Variants in ZFHX3 observed in about 807,000 individuals in gnomAD.
The protein encoded by ZFHX3 is zinc finger homeobox 3.
ZFHX3 carries 42 observed loss-of-function variants against 279.1 expected under a neutral mutation model. The observed-to-expected ratio is 0.15, with a 90% confidence interval of 0.12 to 0.19. The LOEUF (loss-of-function observed/expected upper bound fraction) is 0.19, where lower values mean the gene tolerates loss of function less well. ZFHX3 is among the 10% of genes least tolerant of loss of function. The probability of loss-of-function intolerance (pLI) is 1.00; values close to 1 mark genes in which losing one functional copy is unlikely to be tolerated. For missense variants in ZFHX3, 4,981 were observed against 4,754.0 expected (o/e 1.05, Z -1.40); for synonymous variants, 2,293 against 1,957.8 (o/e 1.17, Z -4.52).
chr16:73,606,180 TAAAAAAAAAAAAAAAAAAAAAAA>T lies in ZFHX3; in HGVS notation c.-1547+73977_-1547+73999del, dbSNP rs35080897. ...CTGGGGGATTGAGCTAGGCTCCATC[TAAAAAAAAAAAAAAAAAAAAAAA>T]AAAAAAAAAAAAAATCCATGCTAGG... On this transcript the variant is annotated intron_variant, in intron 2 of 17. Coordinates refer to the ZFHX3 transcript ENST00000641206. 3.7e-4 allele frequency among the ~76,000 whole-genome samples: 13 copies of T among 35,196 alleles called. 1 individual carries two copies. Among genetic ancestry groups the T allele is most frequent in the African/African-American group, 1.8e-3 (12 of 6,714 alleles). The allele number at this position is 35,196 out of a possible 152,430, so 23.1% of individuals were successfully genotyped here.
chr16:73,780,974 T>C (rs1959450389), intron 1 of ZFHX3, among the ~76,000 whole-genome samples: 1 of 152,198 alleles, frequency 6.6e-6, no homozygotes. Flanking sequence ...TCAATAACAA[T>C]AATGAAGAAG....
chr16:73,260,697 T>G (rs1157110389), intron 4 of ZFHX3, among the ~76,000 whole-genome samples: 1 of 141,640 alleles, frequency 7.1e-6, no homozygotes, highest in South Asian at 2.3e-4. Context: ...TTTTTTTTTT[T>G]TTTTTTTTTT....
intron 8 of ZFHX3, 108 bp from the exon 9 acceptor site, chr16:72,798,822 T>A: frequency 6.9e-7 from 1 of 1,442,560 alleles, no homozygotes; most frequent in South Asian, 1.6e-5. Context: ...CAGAATCTGA[T>A]GATGAGGGAA....
At chr16:72,928,182 A>C (rs1445593281) in intron 3 of ZFHX3, among the ~76,000 whole-genome samples, 46 of 4,406 alleles carry the variant, frequency 0.01, 6 homozygotes, top group African/African-American at 0.05. Flanking sequence ...GGGAGGGGAG[A>C]GAGGGAGGGG....
chr16:73,379,654 C>G (rs2016786679), intron 3 of ZFHX3, among the ~76,000 whole-genome samples: 1 of 152,178 alleles, frequency 6.6e-6, no homozygotes, highest in African/African-American at 2.4e-5. Context: ...GAGGACCCTG[C>G]TGGTCTTTTC....
At chr16:73,042,925 G>C (rs1446544893) in intron 1 of ZFHX3, among the ~76,000 whole-genome samples, 1 of 151,676 alleles carries the variant, frequency 6.6e-6, no homozygotes, top group African/African-American at 2.4e-5. Context: ...TATGTCATTA[G>C]CTTCCTCCCA....
intron 3 of ZFHX3, among the ~76,000 whole-genome samples, chr16:73,374,765 G>A (rs62042205): frequency 0.093 from 14,129 of 152,214 alleles, 1,336 homozygotes; most frequent in East Asian, 0.51. Flanking sequence ...AAACTGGGTC[G>A]TTAGTGCTAT....
chr16:72,932,688 T>C (rs985783846), intron 3 of ZFHX3, among the ~76,000 whole-genome samples: 6 of 150,970 alleles, frequency 4.0e-5, no homozygotes, highest in Admixed American at 3.3e-4. Context: ...CACTGACCTT[T>C]CCATTCTCCA....
chr16:73,664,796 G>A (rs1437105861), intron 2 of ZFHX3, among the ~76,000 whole-genome samples: 1 of 152,218 alleles, frequency 6.6e-6, no homozygotes, highest in Non-Finnish European at 1.5e-5. Context: ...AATTTTAACA[G>A]AGCATTCAGA....
chr16:73,767,928 A>C (rs1391444662), intron 1 of ZFHX3, among the ~76,000 whole-genome samples: 1 of 152,202 alleles, frequency 6.6e-6, no homozygotes, highest in Non-Finnish European at 1.5e-5. Flanking sequence ...GAGTTTAAGG[A>C]AACAAGACAG....
chr16:73,663,417 G>C (rs915612961), intron 2 of ZFHX3, among the ~76,000 whole-genome samples: 1 of 152,176 alleles, frequency 6.6e-6, no homozygotes, highest in Non-Finnish European at 1.5e-5. Context: ...TGCAGGTCTT[G>C]CCTGGTACAA....
chr16:72,934,220 T>A (rs1959986896), intron 3 of ZFHX3, among the ~76,000 whole-genome samples: 1 of 151,580 alleles, frequency 6.6e-6, no homozygotes, highest in Non-Finnish European at 1.5e-5. Flanking sequence ...AGGTCAGGAG[T>A]TCGAGACCAG....
chr16:73,848,661 A>G (rs1046895310), intron 1 of ZFHX3, among the ~76,000 whole-genome samples: 1 of 152,232 alleles, frequency 6.6e-6, no homozygotes, highest in Admixed American at 6.5e-5. Flanking sequence ...TGGATATGTT[A>G]GATACCATCT....
At chr16:72,878,016 G>C (rs1252957886) in intron 4 of ZFHX3, among the ~76,000 whole-genome samples, 1 of 151,982 alleles carries the variant, frequency 6.6e-6, no homozygotes, top group Non-Finnish European at 1.5e-5. Context: ...ACAACATAGT[G>C]AGACCCTGTC....
chr16:73,124,646 A>G (rs143191330), intron 7 of ZFHX3, among the ~76,000 whole-genome samples: 16 of 152,316 alleles, frequency 1.1e-4, no homozygotes, highest in Non-Finnish European at 2.1e-4. Context: ...ACACATCTGT[A>G]TTAGGATAAC....
At chr16:73,381,700 CAAG>C (rs1270455297) in intron 3 of ZFHX3, among the ~76,000 whole-genome samples, 14 of 152,124 alleles carry the variant, frequency 9.2e-5, no homozygotes, top group Admixed American at 6.5e-4. Flanking sequence ...GGCCACATTG[CAAG>C]AAGAAGAATT....
chr16:73,536,944 A>AG (rs746131027), intron 2 of ZFHX3, among the ~76,000 whole-genome samples: 5 of 152,186 alleles, frequency 3.3e-5, no homozygotes, highest in Non-Finnish European at 7.3e-5. Context: ...TTAAAAAAAA[A>AG]GAAAGAAAGA....
chr16:73,089,266 G>A (rs904318534), intron 8 of ZFHX3, among the ~76,000 whole-genome samples: 1 of 151,920 alleles, frequency 6.6e-6, no homozygotes. Flanking sequence ...ACCACCCCCA[G>A]CTAATTTTTG....
intron 6 of ZFHX3, among the ~76,000 whole-genome samples, chr16:73,141,549 C>T (rs1208892986): frequency 6.6e-6 from 1 of 152,106 alleles, no homozygotes; most frequent in Non-Finnish European, 1.5e-5. Flanking sequence ...AGCTGTGCTC[C>T]ACCGTGTAGG....
Sources: gnomAD v4.1 joint callset for allele counts (sites outside exome capture counted in the v4.1 genomes callset) on GRCh38, gnomAD v4.1.1 for gene constraint, MANE v1.5 for transcripts, NCBI Gene and HGNC (gene_info 2026-07-23, HGNC 2026-07-21) for gene names.